Variants in ATR observed in about 807,000 individuals in gnomAD.
ATR encodes serine/threonine-protein kinase ATR.
ATR carries 142 observed loss-of-function variants against 305.3 expected under a neutral mutation model. That is an observed-to-expected ratio of 0.47 (90% CI 0.41 to 0.53). ATR has a LOEUF of 0.53. Ranked by LOEUF, ATR falls within the 20% of genes least tolerant of loss-of-function variation. ATR has a pLI of 0.00. For missense variants in ATR, 2,135 were observed against 3,133.1 expected, an observed-to-expected ratio of 0.68 and a Z score of 7.60; for synonymous variants, 1,050 against 1,068.1, an observed-to-expected ratio of 0.98 and a Z score of 0.33.
rs761647409 is a variant in ATR at position 142,542,553 on chromosome 3, G to C, written c.3450+112C>G. ...AACGTATATGAGTTCTTCAGCAATA[G>C]AGAATGTCATATTTGGTTATTTCTC... is the stretch of plus-strand genomic sequence containing the variant. On this transcript the variant is annotated intron_variant, in intron 17 of 46. Transcript: ENST00000350721. 3 of 1,000,888 alleles carry C rather than the reference G, an allele frequency of 3.0e-6. No homozygotes were observed. The South Asian group carries it at 4.2e-5, about 14-fold the overall frequency. The allele number at this position is 1,000,888 out of a possible 1,614,324, so 62.0% of individuals were successfully genotyped here. A position where few individuals can be genotyped will look rare whatever the true frequency, so the allele number is the denominator to read the frequency against.
At chr3:142,569,625 T>G (rs969746447) in intron 1 of ATR, among the ~76,000 whole-genome samples, 14 of 144,196 alleles carry the variant, frequency 9.7e-5, no homozygotes, top group Non-Finnish European at 2.2e-4. Context: ...CCCAACTGTG[T>G]TTTTTTTTTG....
intron 36 of ATR, among the ~76,000 whole-genome samples, chr3:142,482,633 A>G (rs2030587886): frequency 6.6e-6 from 1 of 152,130 alleles, no homozygotes; most frequent in East Asian, 1.9e-4. Context: ...GGAGCTCAAG[A>G]TCAGCCTGAG....
chr3:142,572,463 TAATA>T (rs1370960604), intron 1 of ATR, among the ~76,000 whole-genome samples: 1 of 140,428 alleles, frequency 7.1e-6, no homozygotes, highest in East Asian at 2.2e-4. Flanking sequence ...CATTTACAGC[TAATA>T]AATGCCATAA....
At position 142,453,179 on chromosome 3, in the gene ATR, T is replaced by C. The variant is rs1335791203; in HGVS notation, c.7710A>G (p.Lys2570=). The stretch of plus-strand genomic sequence containing the variant: ...CATTCAGTGGCGCTTTGGAATGCCC[T>C]TTCACTGGTTTACTCCATTCCACAA... ...DPLVEWSKPV[K]GHSKAPLNET... Residue 2570 remains lysine, a synonymous_variant, in exon 46 of 47, where the codon AAA becomes AAG. Coordinates refer to ENST00000350721, the MANE Select transcript of ATR (RefSeq NM_001184.4). 7 of 1,613,862 alleles carry C rather than the reference T, an allele frequency of 4.3e-6. No homozygotes were observed. Among genetic ancestry groups the C allele is most frequent in the Non-Finnish European group, 5.9e-6 (7 of 1,179,864 alleles).
rs921834730 is a variant in ATR at position 142,566,108 on chromosome 3, T to C, written c.292+13A>G. 9.3e-6 allele frequency: 15 copies of C among 1,613,916 alleles called. No homozygotes were observed. Among genetic ancestry groups the C allele is most frequent in the Non-Finnish European group, 1.3e-5 (15 of 1,179,950 alleles). On this transcript the variant is annotated intron_variant, in intron 3 of 46. Transcript: ENST00000350721. ...AACAGATGGCAAGTGAATGCATGAA[T>C]AACAGCACTTACCAATACAACTGCC...
chr3:142,550,431 T>C, intron 13 of ATR, 129 bp from the exon 14 acceptor site: 1 of 960,832 alleles, frequency 1.0e-6, no homozygotes, highest in Non-Finnish European at 1.6e-6. Flanking sequence ...ATTCAATTTT[T>C]ATAACAACCT....
At position 142,474,658 on chromosome 3, in the gene ATR, C is replaced by A. The variant is rs545538162; in HGVS notation, c.6222-4475G>T. Among the ~76,000 whole-genome samples the A allele has an allele frequency of 9.1e-4, 138 of 152,064 alleles. 1 individual carries two copies. The highest frequency in any genetic ancestry group is 1.7e-3 in the Non-Finnish European group (117 of 68,006). ...GTCTTAGGGTTTCAGTATATAAAAT[C>A]ATGTCGTCTGCAAATAGAAAAAAAT... is the stretch of plus-strand genomic sequence containing the variant. On this transcript the variant is annotated intron_variant, in intron 36 of 46. Transcript: ENST00000350721.
At chr3:142,521,626 A>C (rs2033151806) in intron 23 of ATR, among the ~76,000 whole-genome samples, 2 of 152,102 alleles carry the variant, frequency 1.3e-5, no homozygotes, top group Non-Finnish European at 2.9e-5. Context: ...GTTGATTCCA[A>C]CCCCTCCTGG....
chr3:142,459,514 C>G, intron 42 of ATR, 131 bp from the exon 43 acceptor site: 1 of 1,065,870 alleles, frequency 9.4e-7, no homozygotes, highest in Non-Finnish European at 1.4e-6. Context: ...AATAAAGGAA[C>G]ATTTTTCAAT....
intron 8 of ATR, among the ~76,000 whole-genome samples, chr3:142,558,009 C>T (rs1394950410): frequency 6.6e-6 from 1 of 152,046 alleles, no homozygotes; most frequent in Admixed American, 6.5e-5. Context: ...AAATATTTCT[C>T]AAATACTTCC....
chr3:142,485,479 T>C (rs2030856058), intron 35 of ATR, among the ~76,000 whole-genome samples, 197 bp from the exon 36 acceptor site: 1 of 152,202 alleles, frequency 6.6e-6, no homozygotes, highest in African/African-American at 2.4e-5. Context: ...GCTGATTTGT[T>C]CTGGTGGGTT....
At chr3:142,531,137 G>A (rs2033622310) in intron 21 of ATR, among the ~76,000 whole-genome samples, 1 of 152,074 alleles carries the variant, frequency 6.6e-6, no homozygotes, top group Non-Finnish European at 1.5e-5. Context: ...GGTTTCAATT[G>A]CTCTGCTTGA....
In ATR at chr3:142,578,629, G is replaced by C. The variant is rs1280944835; in HGVS notation, c.59+17C>G. On this transcript the variant is annotated intron_variant, in intron 1 of 46. Coordinates refer to ENST00000350721, the MANE Select transcript of ATR (RefSeq NM_001184.4). Reference sequence around the variant, plus strand: ...CAGCGGAGGAGGATGCAGGACCCAGGCTGGGCCTAGCCCTACCTGCCCAGC... The same window carrying C: ...CAGCGGAGGAGGATGCAGGACCCAGCCTGGGCCTAGCCCTACCTGCCCAGC... 1 of 1,609,904 alleles carries C rather than the reference G, an allele frequency of 6.2e-7. No homozygotes were observed. Among genetic ancestry groups the C allele is most frequent in the Non-Finnish European group, 8.5e-7 (1 of 1,178,264 alleles).
intron 17 of ATR, 134 bp from the exon 18 acceptor site, chr3:142,541,168 A>AT: frequency 8.4e-7 from 1 of 1,192,966 alleles, no homozygotes; most frequent in East Asian, 2.5e-5. Flanking sequence ...GATTGAATAA[A>AT]TGTTGGCCAG....
At position 142,458,938 on chromosome 3, in the gene ATR, G is replaced by C; in HGVS notation, c.7503+20C>G. ...AATTGAGAGAAAACACAATTAGTAA[G>C]AGTAACTCATATCACATACCTTATT... On this transcript the variant is annotated intron_variant, in intron 44 of 46. Coordinates refer to ENST00000350721, the MANE Select transcript of ATR (RefSeq NM_001184.4). The C allele has an allele frequency of 6.2e-7, 1 of 1,611,372 alleles. No individual in the cohort carries two copies. Among genetic ancestry groups the C allele is most frequent in the Non-Finnish European group, 8.5e-7 (1 of 1,177,730 alleles).
At chr3:142,528,879 A>ATAT (rs1215767510) in intron 21 of ATR, among the ~76,000 whole-genome samples, 9 of 30,488 alleles carry the variant, frequency 3.0e-4, no homozygotes, top group East Asian at 9.0e-4. Flanking sequence ...ATATATATAT[A>ATAT]TTTTTTTTTT....
chr3:142,565,650 AT>A (rs1207482841), intron 3 of ATR, among the ~76,000 whole-genome samples: 1 of 145,392 alleles, frequency 6.9e-6, no homozygotes, highest in Non-Finnish European at 1.5e-5. Flanking sequence ...GGTCCCAGGT[AT>A]GCAGGAGGCT....
In ATR at chr3:142,469,328, C is replaced by A. The variant is rs760103695; in HGVS notation, c.6552+9G>T. 8.8e-6 allele frequency: 14 copies of A among 1,595,642 alleles called. No homozygotes were observed. The highest frequency in any genetic ancestry group is 1.2e-5 in the Non-Finnish European group (14 of 1,164,212). ...TCTTTTCATATAAAAAGGTAAAAGA[C>A]CCTTTTACCTTTGACACAGCTGTCA... is the stretch of plus-strand genomic sequence containing the variant. On this transcript the variant is annotated intron_variant, in intron 38 of 46. Transcript: ENST00000350721.
intron 14 of ATR, 29 bp downstream of exon 14, chr3:142,550,103 C>A: frequency 6.2e-7 from 1 of 1,611,820 alleles, no homozygotes; most frequent in Non-Finnish European, 8.5e-7. Context: ...GAATTGCAAA[C>A]CTCAAGTGAA....
Sources: gnomAD v4.1 joint callset for allele counts (sites outside exome capture counted in the v4.1 genomes callset) on GRCh38, gnomAD v4.1.1 for gene constraint, MANE v1.5 for transcripts, NCBI Gene and HGNC (gene_info 2026-07-23, HGNC 2026-07-21) for gene names.